The following TSPAN13 variants were observed in gnomAD, a reference collection of about 807,000 sequenced individuals.
The protein encoded by TSPAN13 is tetraspanin-13.
In TSPAN13, 18 loss-of-function variants were observed where a neutral mutation model predicts 26.9. The observed-to-expected ratio is 0.67, with a 90% CI of 0.46 to 0.99. TSPAN13 has a LOEUF of 0.99. Among genes scored for constraint, TSPAN13 ranks in the 50% least tolerant of loss-of-function variants. TSPAN13 has a pLI of 0.00. For synonymous variants in TSPAN13, 116 were observed against 98.4 expected, an observed-to-expected ratio of 1.18 and a Z score of -1.06; for missense variants, 201 against 249.6, an observed-to-expected ratio of 0.81 and a Z score of 1.31.
intron 1 of TSPAN13, among the ~76,000 whole-genome samples, chr7:16,768,579 T>C (rs1251001903): frequency 6.6e-6 from 1 of 152,242 alleles, no homozygotes; most frequent in Non-Finnish European, 1.5e-5. Context: ...GTCAGTGTTA[T>C]ATGCGCATTT....
intron 1 of TSPAN13, among the ~76,000 whole-genome samples, chr7:16,762,610 A>G (rs538921965): frequency 6.6e-6 from 1 of 152,330 alleles, no homozygotes; most frequent in African/African-American, 2.4e-5. Flanking sequence ...TTTAGCCGGA[A>G]GTAATAGAAA....
chr7:16,762,424 A>T (rs1416642398), intron 1 of TSPAN13, among the ~76,000 whole-genome samples: 4 of 152,150 alleles, frequency 2.6e-5, no homozygotes, highest in African/African-American at 9.7e-5. Flanking sequence ...TATGGCTGGG[A>T]GGAGGAATGG....
At chr7:16,769,545 T>A (rs55984905) in intron 1 of TSPAN13, among the ~76,000 whole-genome samples, 6,466 of 152,302 alleles carry the variant, frequency 0.042, 462 homozygotes, top group African/African-American at 0.15. Context: ...TTTGGGGGTA[T>A]ATTACAAATT....
At chr7:16,761,955 C>T (rs547783329) in intron 1 of TSPAN13, among the ~76,000 whole-genome samples, 3 of 152,162 alleles carry the variant, frequency 2.0e-5, no homozygotes, top group South Asian at 2.1e-4. Context: ...TTCTCTGTTG[C>T]GTTAGTGCTA....
chr7:16,783,123 C>G (rs904898412), intron 5 of TSPAN13, among the ~76,000 whole-genome samples: 2 of 152,152 alleles, frequency 1.3e-5, no homozygotes, highest in Non-Finnish European at 2.9e-5. Flanking sequence ...GACCCTTAAC[C>G]ACACCCGCAA....
At chr7:16,770,731 C>T (rs1261793841) in intron 1 of TSPAN13, among the ~76,000 whole-genome samples, 4 of 151,798 alleles carry the variant, frequency 2.6e-5, no homozygotes, top group Non-Finnish European at 5.9e-5. Flanking sequence ...TGGAAGGGTC[C>T]CTCCTGAGCA....
intron 4 of TSPAN13, 77 bp downstream of exon 4, chr7:16,777,988 T>C: frequency 9.9e-7 from 1 of 1,006,386 alleles, no homozygotes; most frequent in Non-Finnish European, 1.5e-6. Context: ...AAATGGACTT[T>C]CTGATGCTGA....
At chr7:16,754,545 G>A (rs1784460900) in intron 1 of TSPAN13, among the ~76,000 whole-genome samples, 1 of 152,234 alleles carries the variant, frequency 6.6e-6, no homozygotes, top group African/African-American at 2.4e-5. Context: ...CACTGAGTAG[G>A]TTCACAGGAT....
rs942928602 is a variant in TSPAN13 at position 16,784,238 on chromosome 7, A to C, written c.*747A>C. 5 of 152,488 alleles carry C rather than the reference A, an allele frequency of 3.3e-5. No individual in the cohort carries two copies. The highest frequency in any genetic ancestry group is 1.2e-4 in the African/African-American group (5 of 41,446). The allele number at this position is 152,488 out of a possible 1,614,324, so 9.4% of individuals were successfully genotyped here. A position where few individuals can be genotyped will look rare whatever the true frequency, so the allele number is the denominator to read the frequency against. The stretch of plus-strand genomic sequence containing the variant: ...TATATGATCTTGATATTGTTTTATA[A>C]TAATTTGAAGTCTAAAAGACTGCAT... On this transcript the variant is annotated 3_prime_UTR_variant, in exon 6 of 6. Coordinates refer to ENST00000262067, the MANE Select transcript of TSPAN13 (RefSeq NM_014399.4).
chr7:16,772,413 A>G (rs932931311), intron 1 of TSPAN13, among the ~76,000 whole-genome samples: 1 of 152,230 alleles, frequency 6.6e-6, no homozygotes, highest in Non-Finnish European at 1.5e-5. Context: ...CCTGGAGACC[A>G]GAAGTCCAAA....
intron 1 of TSPAN13, among the ~76,000 whole-genome samples, chr7:16,772,558 T>C (rs1784692558): frequency 6.6e-6 from 1 of 152,170 alleles, no homozygotes; most frequent in South Asian, 2.1e-4. Flanking sequence ...TGTCACTTTC[T>C]ACATTGTGTG....
chr7:16,762,964 A>G (rs3807490), intron 1 of TSPAN13, among the ~76,000 whole-genome samples: 62,143 of 151,964 alleles, frequency 0.41, 13,148 homozygotes, highest in African/African-American at 0.47. Context: ...ACACCTGTGA[A>G]CCCATGACCA....
intron 1 of TSPAN13, among the ~76,000 whole-genome samples, chr7:16,768,656 A>T (rs1784637453): frequency 1.3e-5 from 2 of 152,214 alleles, no homozygotes; most frequent in South Asian, 4.1e-4. Context: ...CTATACTTTT[A>T]AGTTGTGCTT....
At chr7:16,759,397 C>A (rs190024737) in intron 1 of TSPAN13, among the ~76,000 whole-genome samples, 1 of 152,026 alleles carries the variant, frequency 6.6e-6, no homozygotes, top group Non-Finnish European at 1.5e-5. Flanking sequence ...AGGTGCCAAA[C>A]GCTTTTAAAC....
At chr7:16,778,851 T>C in intron 4 of TSPAN13, 152 bp from the exon 5 acceptor site, 1 of 576,430 alleles carries the variant, frequency 1.7e-6, no homozygotes, top group Non-Finnish European at 3.1e-6. Flanking sequence ...GGTGGGAGTC[T>C]TGGGGGCTGT....
chr7:16,763,526 G>T (rs908273924), intron 1 of TSPAN13, among the ~76,000 whole-genome samples: 1 of 152,202 alleles, frequency 6.6e-6, no homozygotes, highest in African/African-American at 2.4e-5. Flanking sequence ...CCTCTGCTCA[G>T]TTTCTTTTAC....
intron 1 of TSPAN13, among the ~76,000 whole-genome samples, chr7:16,763,381 C>G (rs771638840): frequency 6.6e-6 from 1 of 152,136 alleles, no homozygotes; most frequent in Non-Finnish European, 1.5e-5. Flanking sequence ...CAGGATACTT[C>G]ATGGGTTATA....
At chr7:16,754,075 C>T (rs1342888862) in intron 1 of TSPAN13, 45 bp downstream of exon 1, 1 of 1,593,540 alleles carries the variant, frequency 6.3e-7, no homozygotes, top group Non-Finnish European at 8.6e-7. Context: ...GGCTTTGCAC[C>T]TGCTTGGGAG....
At chr7:16,758,493 G>A (rs1008068537) in intron 1 of TSPAN13, among the ~76,000 whole-genome samples, 1 of 152,154 alleles carries the variant, frequency 6.6e-6, no homozygotes, top group Non-Finnish European at 1.5e-5. Context: ...ACAGCTTCAG[G>A]TGGAAAAAGT....
Sources: allele counts gnomAD v4.1 joint callset (sites outside exome capture counted in the v4.1 genomes callset), GRCh38; gene constraint gnomAD v4.1.1; transcripts MANE v1.5; gene names NCBI Gene and HGNC (gene_info 2026-07-23, HGNC 2026-07-21).